STYXL2: variants seen among roughly 807,000 people sequenced by gnomAD.
STYXL2 encodes serine/threonine/tyrosine interacting like 2.
STYXL2 carries 44 observed loss-of-function variants against 52.4 expected under a neutral mutation model. That is an observed-to-expected ratio of 0.84 (90% CI 0.66 to 1.08). The LOEUF is 1.08. STYXL2 is among the 50% of genes least tolerant of loss of function. STYXL2 has a pLI of 0.00. For synonymous variants in STYXL2, 604 were observed against 586.9 expected (o/e 1.03, Z -0.42); for missense variants, 1,604 against 1,471.7 (o/e 1.09, Z -1.47).
Position 167,119,286 on chromosome 1 carries a change from G to T in STYXL2, c.475G>T (p.Gly159Ter). ...AVNKGRLKRL[G>*]ITHILNAAHG... ...GAACAAGGGGAGGCTGAAGAGGCTG[G>T]GAATCACCCACATTCTGAATGCTGC... Residue 159 changes from glycine (G) to a stop codon, truncating the protein, a stop_gained, in exon 5 of 6, where the codon GGA becomes TGA. Transcript: ENST00000361200. LOFTEE classifies it high-confidence loss of function. 1 of 1,614,190 alleles carries T rather than the reference G, an allele frequency of 6.2e-7. No homozygotes were observed. The highest frequency in any genetic ancestry group is 8.5e-7 in the Non-Finnish European group (1 of 1,180,042).
intron 4 of STYXL2, 82 bp downstream of exon 4, chr1:167,117,641 C>A (rs1346768105): frequency 1.0e-5 from 13 of 1,295,668 alleles, no homozygotes; most frequent in Non-Finnish European, 1.4e-5. Context: ...CCAACTTTCA[C>A]CAAAGGCGCC....
intron 3 of STYXL2, 135 bp from the exon 4 acceptor site, chr1:167,117,193 C>T: frequency 1.3e-6 from 1 of 772,834 alleles, no homozygotes; most frequent in Non-Finnish European, 2.1e-6. Context: ...AAAGTCCTTC[C>T]TGGGAGATCC....
chr1:167,096,443 G>A (rs1667286979), intron 2 of STYXL2, among the ~76,000 whole-genome samples: 1 of 152,072 alleles, frequency 6.6e-6, no homozygotes, highest in Non-Finnish European at 1.5e-5. Context: ...ATATCTAAAG[G>A]ACATTTCTTT....
At chr1:167,111,531 A>ACAAAT (rs1667623099) in intron 2 of STYXL2, among the ~76,000 whole-genome samples, 8 of 121,386 alleles carry the variant, frequency 6.6e-5, no homozygotes, top group African/African-American at 2.3e-4. Flanking sequence ...CACACACACA[A>ACAAAT]ATATATATAT....
Position 167,128,234 on chromosome 1 carries a change from G to C in STYXL2, c.3103G>C (p.Glu1035Gln). ...CAACGAGACCTCAAGTTCCCGAGAG[G>C]AGAGCCCAGAGCCCTACTTCTTCCG... ...TYNETSSSRE[E>Q]SPEPYFFRRT... The change falls in exon 6 of 6, where the codon GAG becomes CAG. Residue 1035 changes from glutamate (E) to glutamine (Q), a missense_variant. By Grantham distance (29) the Glu-to-Gln change is conservative. Coordinates refer to ENST00000361200, the MANE Select transcript of STYXL2 (RefSeq NM_001080426.3). The C allele has an allele frequency of 2.5e-6, 4 of 1,614,150 alleles. No individual in the cohort carries two copies. The highest frequency in any genetic ancestry group is 3.4e-6 in the Non-Finnish European group (4 of 1,180,022).
At chr1:167,110,019 G>C (rs865821819) in intron 2 of STYXL2, among the ~76,000 whole-genome samples, 3 of 152,148 alleles carry the variant, frequency 2.0e-5, no homozygotes, top group Non-Finnish European at 4.4e-5. Flanking sequence ...CCATGGCTGA[G>C]AGACCTGAAG....
chr1:167,097,690 T>TAAA (rs139851555), intron 2 of STYXL2, among the ~76,000 whole-genome samples: 1 of 147,304 alleles, frequency 6.8e-6, no homozygotes, highest in Non-Finnish European at 1.5e-5. Context: ...AACTATAGGT[T>TAAA]AAAAAAAAAA....
At chr1:167,106,617 A>G (rs1667510676) in intron 2 of STYXL2, among the ~76,000 whole-genome samples, 1 of 152,232 alleles carries the variant, frequency 6.6e-6, no homozygotes, top group Admixed American at 6.5e-5. Context: ...AATATTGTTG[A>G]AATGGAAAAT....
At chr1:167,113,983 G>A (rs1667672550) in intron 3 of STYXL2, among the ~76,000 whole-genome samples, 179 bp downstream of exon 3, 1 of 152,176 alleles carries the variant, frequency 6.6e-6, no homozygotes, top group Non-Finnish European at 1.5e-5. Context: ...GGATGGAAGT[G>A]GAAATAATTA....
chr1:167,109,560 C>A (rs1249078495), intron 2 of STYXL2, among the ~76,000 whole-genome samples: 1 of 152,170 alleles, frequency 6.6e-6, no homozygotes, highest in Non-Finnish European at 1.5e-5. Context: ...ACACACCTAA[C>A]CCTGCCCCCA....
At chr1:167,112,195 C>G (rs1667634909) in intron 2 of STYXL2, among the ~76,000 whole-genome samples, 1 of 152,188 alleles carries the variant, frequency 6.6e-6, no homozygotes, top group South Asian at 2.1e-4. Flanking sequence ...CAACTGCTAT[C>G]AGAAAACTCT....
chr1:167,124,073 G>T (rs1667911487), intron 5 of STYXL2, among the ~76,000 whole-genome samples: 1 of 151,868 alleles, frequency 6.6e-6, no homozygotes, highest in African/African-American at 2.4e-5. Flanking sequence ...GCTTGCCATG[G>T]TTTTTTGTTT....
At chr1:167,116,982 G>A (rs1222809557) in intron 3 of STYXL2, among the ~76,000 whole-genome samples, 2 of 152,078 alleles carry the variant, frequency 1.3e-5, no homozygotes, top group Non-Finnish European at 2.9e-5. Flanking sequence ...CTTTGTACTG[G>A]GCACTGTGGG....
chr1:167,126,464 A>G lies in STYXL2; in HGVS notation c.1333A>G (p.Ser445Gly), dbSNP rs750313262. ...SESSAWESVS[S>G]HDIWVLKQQL... is the part of the protein sequence containing the mutation. Reference sequence around the variant, plus strand: ...GAGCAGCGCCTGGGAGAGCGTGAGCAGCCACGACATCTGGGTCCTGAAGCA... The same window carrying G: ...GAGCAGCGCCTGGGAGAGCGTGAGCGGCCACGACATCTGGGTCCTGAAGCA... Residue 445 changes from serine to glycine, a missense_variant, in exon 6 of 6, where the codon AGC becomes GGC. Transcript: ENST00000361200. 3.1e-6 allele frequency: 5 copies of G among 1,595,200 alleles called. No homozygotes were observed. In the South Asian group the frequency reaches 4.5e-5, roughly 14 times the overall value.
At chr1:167,094,691 C>G (rs1667243325) in intron 1 of STYXL2, 143 bp from the exon 2 acceptor site, 1 of 624,444 alleles carries the variant, frequency 1.6e-6, no homozygotes, top group Non-Finnish European at 2.9e-6. Context: ...CCAGGTCTGA[C>G]TGGATATTCC....
At chr1:167,111,303 A>G (rs143325037) in intron 2 of STYXL2, among the ~76,000 whole-genome samples, 2,624 of 151,804 alleles carry the variant, frequency 0.017, 29 homozygotes, top group Non-Finnish European at 0.027. Context: ...TAGATCTACC[A>G]TTTGATCCAG....
chr1:167,121,399 C>G (rs974811528), intron 5 of STYXL2, among the ~76,000 whole-genome samples: 1 of 152,344 alleles, frequency 6.6e-6, no homozygotes, highest in East Asian at 1.9e-4. Flanking sequence ...GGAGTGTGTC[C>G]CACCTCGCTC....
intron 2 of STYXL2, among the ~76,000 whole-genome samples, chr1:167,102,798 C>T (rs1210832356): frequency 6.6e-6 from 1 of 152,146 alleles, no homozygotes; most frequent in East Asian, 1.9e-4. Flanking sequence ...GGTTTTATGA[C>T]TTCAGGTAAA....
intron 2 of STYXL2, among the ~76,000 whole-genome samples, chr1:167,098,635 C>T (rs1667340726): frequency 1.3e-5 from 2 of 152,092 alleles, no homozygotes; most frequent in African/African-American, 2.4e-5. Context: ...TGGGGTTAGC[C>T]TGTCTTTGCT....
Sources: gnomAD v4.1 joint callset for allele counts (sites outside exome capture counted in the v4.1 genomes callset) on GRCh38, gnomAD v4.1.1 for gene constraint, MANE v1.5 for transcripts, NCBI Gene and HGNC (gene_info 2026-07-23, HGNC 2026-07-21) for gene names.